The following DTNBP1 variants were observed in gnomAD, a reference collection of about 807,000 sequenced individuals.
DTNBP1 encodes dysbindin.
A neutral mutation model predicts 42.8 loss-of-function variants in DTNBP1; 35 were observed. The ratio of observed to expected loss-of-function variants is 0.82; its 90% CI spans 0.63 to 1.09. DTNBP1 has a LOEUF of 1.09. Ranked by LOEUF, DTNBP1 falls within the 50% of genes least tolerant of loss-of-function variation. The pLI is 0.00. For synonymous variants in DTNBP1, 171 were observed against 162.2 expected, an observed-to-expected ratio of 1.05 and a Z score of -0.41; for missense variants, 457 against 424.2, an observed-to-expected ratio of 1.08 and a Z score of -0.68.
intron 7 of DTNBP1, among the ~76,000 whole-genome samples, chr6:15,538,952 G>A (rs571676508): frequency 6.6e-6 from 1 of 152,276 alleles, no homozygotes; most frequent in African/African-American, 2.4e-5. Context: ...TCTTACCATG[G>A]ACAATGGTGA....
intron 5 of DTNBP1, among the ~76,000 whole-genome samples, chr6:15,620,867 A>C (rs1458200007): frequency 6.6e-6 from 1 of 152,202 alleles, no homozygotes; most frequent in African/African-American, 2.4e-5. Flanking sequence ...GTGAAGAGAG[A>C]GCTAACAACA....
chr6:15,579,649 AC>A (rs1467799775), intron 7 of DTNBP1, among the ~76,000 whole-genome samples: 1 of 152,192 alleles, frequency 6.6e-6, no homozygotes, highest in East Asian at 1.9e-4. Flanking sequence ...TACTAAAAAT[AC>A]AAAAATTAGC....
intron 5 of DTNBP1, among the ~76,000 whole-genome samples, chr6:15,622,777 G>T (rs922689409): frequency 6.6e-6 from 1 of 152,188 alleles, no homozygotes; most frequent in Non-Finnish European, 1.5e-5. Flanking sequence ...TTGCAAGAAG[G>T]CCGTCCCAGA....
At position 15,524,133 on chromosome 6, in the gene DTNBP1, CT is replaced by C. The variant is rs1561931355; in HGVS notation, c.811+392del. 3.6e-6 allele frequency: 5 copies of C among 1,377,410 alleles called. No individual in the cohort carries two copies. The Admixed American group carries it at 8.7e-5, about 24-fold the overall frequency. The allele number at this position is 1,377,410 out of a possible 1,614,324, so 85.3% of individuals were successfully genotyped here. On this transcript the variant is annotated intron_variant, in intron 9 of 9. Transcript: ENST00000344537. ...GGCTTTGCCCATGGCAGGCACGCCC[CT>C]AAATGCCTGTCGCACGAAGAGGGAA...
chr6:15,633,603 A>G (rs962527452), intron 4 of DTNBP1, among the ~76,000 whole-genome samples: 1 of 152,154 alleles, frequency 6.6e-6, no homozygotes, highest in Non-Finnish European at 1.5e-5. Flanking sequence ...GAGTTGATTG[A>G]CTCCAATTTT....
chr6:15,615,188 C>T, intron 6 of DTNBP1, 79 bp downstream of exon 6: 1 of 1,597,862 alleles, frequency 6.3e-7, no homozygotes, highest in Non-Finnish European at 8.6e-7. Flanking sequence ...TCAGCCGGGA[C>T]TTCTAAAGAG....
In DTNBP1 at chr6:15,553,594, C is replaced by CTTTTTTTTTTTTTTTTTTTTTT. The variant is rs56173414; in HGVS notation, c.512-20200_512-20199insAAAAAAAAAAAAAAAAAAAAAA. On this transcript the variant is annotated intron_variant, in intron 7 of 9. Transcript: ENST00000344537. The stretch of plus-strand genomic sequence containing the variant: ...CAGTTCAATGCTCTTGACAAGTGAG[C>CTTTTTTTTTTTTTTTTTTTTTT]TTTTTTTTTTTTGGCCTCAGACAGC... 2.2e-4 allele frequency among the ~76,000 whole-genome samples: 16 copies of CTTTTTTTTTTTTTTTTTTTTTT among 72,962 alleles called. 1 individual carries two copies. Among genetic ancestry groups the CTTTTTTTTTTTTTTTTTTTTTT allele is most frequent in the Non-Finnish European group, 3.4e-4 (14 of 41,338 alleles). The allele number at this position is 72,962 out of a possible 152,430, so 47.9% of individuals were successfully genotyped here. A position where few individuals can be genotyped will look rare whatever the true frequency, so the allele number is the denominator to read the frequency against.
At chr6:15,554,413 T>C (rs1774395614) in intron 7 of DTNBP1, among the ~76,000 whole-genome samples, 1 of 152,160 alleles carries the variant, frequency 6.6e-6, no homozygotes, top group Non-Finnish European at 1.5e-5. Context: ...TCTTTTGTTA[T>C]AGGGGTCTTA....
intron 8 of DTNBP1, 21 bp downstream of exon 8, chr6:15,533,219 G>A: frequency 6.2e-7 from 1 of 1,612,498 alleles, no homozygotes; most frequent in Non-Finnish European, 8.5e-7. Context: ...CCCCACACCA[G>A]CAGCCCCAGC....
At chr6:15,562,079 C>T (rs1774868989) in intron 7 of DTNBP1, among the ~76,000 whole-genome samples, 1 of 152,182 alleles carries the variant, frequency 6.6e-6, no homozygotes, top group South Asian at 2.1e-4. Flanking sequence ...TAATCCACCC[C>T]TTGTTTAGCA....
At chr6:15,651,577 T>C (rs1248083688) in intron 2 of DTNBP1, among the ~76,000 whole-genome samples, 1 of 152,186 alleles carries the variant, frequency 6.6e-6, no homozygotes, top group African/African-American at 2.4e-5. Context: ...GAGATTCTCT[T>C]CAGCATACAA....
At chr6:15,589,100 C>A (rs1429476074) in intron 7 of DTNBP1, among the ~76,000 whole-genome samples, 1 of 152,154 alleles carries the variant, frequency 6.6e-6, no homozygotes, top group Non-Finnish European at 1.5e-5. Flanking sequence ...TGAAGTGAAC[C>A]AACAAATTCT....
At position 15,615,309 on chromosome 6, in the gene DTNBP1, T is replaced by C. The variant is rs993810462; in HGVS notation, c.446A>G (p.His149Arg). 2 of 1,614,208 alleles carry C rather than the reference T, an allele frequency of 1.2e-6. No individual in the cohort carries two copies. Among genetic ancestry groups the C allele is most frequent in the East Asian group, 2.2e-5 (1 of 44,874 alleles). ...ATTCTCCAGTTGCTGGGACTGCATATGTTTGCATCTTTCTAATTCACACTG... is the reference window on the plus strand; with the variant it reads ...ATTCTCCAGTTGCTGGGACTGCATACGTTTGCATCTTTCTAATTCACACTG... The part of the protein sequence containing the change: ...CGQCELERCK[H>R]MQSQQLENYK... The change falls in exon 6 of 10, where the codon CAT becomes CGT. Residue 149 changes from histidine to arginine, a missense_variant. By Grantham distance (29) the His-to-Arg change is conservative. Transcript: ENST00000344537.
At chr6:15,585,109 A>G (rs1225381029) in intron 7 of DTNBP1, among the ~76,000 whole-genome samples, 1 of 119,190 alleles carries the variant, frequency 8.4e-6, no homozygotes, top group Non-Finnish European at 1.7e-5. Context: ...ATATATATAT[A>G]TATTCAACCT....
chr6:15,567,307 G>T (rs1371086629), intron 7 of DTNBP1, among the ~76,000 whole-genome samples: 2 of 151,872 alleles, frequency 1.3e-5, no homozygotes, highest in Non-Finnish European at 2.9e-5. Context: ...AAAAAAATTA[G>T]ATGGGCATGG....
chr6:15,561,156 C>T (rs1335541346), intron 7 of DTNBP1, among the ~76,000 whole-genome samples: 2 of 152,134 alleles, frequency 1.3e-5, no homozygotes, highest in Non-Finnish European at 2.9e-5. Flanking sequence ...TGTGAACCAA[C>T]CAGTGACCTC....
intron 7 of DTNBP1, among the ~76,000 whole-genome samples, chr6:15,537,325 A>G (rs181499568): frequency 6.6e-6 from 1 of 152,074 alleles, no homozygotes; most frequent in African/African-American, 2.4e-5. Context: ...TGGGAGGCTG[A>G]GGCAGGAGAA....
intron 8 of DTNBP1, among the ~76,000 whole-genome samples, chr6:15,527,310 CA>C (rs1772475750): frequency 6.6e-6 from 1 of 152,176 alleles, no homozygotes; most frequent in African/African-American, 2.4e-5. Flanking sequence ...TGACTGACAT[CA>C]GCAGTCCCAA....
At chr6:15,576,570 G>A (rs777546507) in intron 7 of DTNBP1, among the ~76,000 whole-genome samples, 10 of 151,914 alleles carry the variant, frequency 6.6e-5, no homozygotes, top group Admixed American at 5.2e-4. Context: ...AAGGCCAGAA[G>A]TTCGAGATTA....
Sources: allele counts gnomAD v4.1 joint callset (sites outside exome capture counted in the v4.1 genomes callset), GRCh38; gene constraint gnomAD v4.1.1; transcripts MANE v1.5; gene names NCBI Gene and HGNC (gene_info 2026-07-23, HGNC 2026-07-21).